Variants in NRG1 observed in about 807,000 individuals in gnomAD.
NRG1 encodes the protein neuregulin 1.
In NRG1, 18 loss-of-function variants were observed where a neutral mutation model predicts 63.8. The ratio of observed to expected loss-of-function variants is 0.28; its 90% CI spans 0.19 to 0.42. The LOEUF (loss-of-function observed/expected upper bound fraction) is 0.42, where lower values mean the gene tolerates loss of function less well. Among genes scored for constraint, NRG1 ranks in the 10% least tolerant of loss-of-function variants. NRG1 has a pLI of 1.00. For missense variants in NRG1, 762 were observed against 814.7 expected (o/e 0.94, Z 0.79); for synonymous variants, 302 against 301.3 (o/e 1.00, Z -0.02).
chr8:32,478,520 CA>C (rs1824828891), intron 1 of NRG1, among the ~76,000 whole-genome samples: 1 of 152,000 alleles, frequency 6.6e-6, no homozygotes, highest in Non-Finnish European at 1.5e-5. Flanking sequence ...GCAAACAAGC[CA>C]AAAAGAAATA....
At chr8:31,933,771 G>A (rs28373492) in intron 1 of NRG1, among the ~76,000 whole-genome samples, 5,421 of 152,194 alleles carry the variant, frequency 0.036, 351 homozygotes, top group African/African-American at 0.12. Context: ...AAATATTAAT[G>A]AAGTTTTAAG....
At chr8:32,331,587 C>A (rs1269442877) in intron 1 of NRG1, among the ~76,000 whole-genome samples, 1 of 152,186 alleles carries the variant, frequency 6.6e-6, no homozygotes, top group African/African-American at 2.4e-5. Context: ...TGCATGAACA[C>A]ATTTCTTTAC....
chr8:31,790,994 T>G lies in NRG1; in HGVS notation c.37+151563T>G, dbSNP rs140498253. On this transcript the variant is annotated intron_variant, in intron 1 of 10. Coordinates refer to the NRG1 transcript ENST00000519301. Reference sequence around the variant, plus strand: ...GGGAGGCTGAGGTGGGCGGATCACTTGAGGTCAGGAGTTGAGACCAGCCTG... The same window carrying G: ...GGGAGGCTGAGGTGGGCGGATCACTGGAGGTCAGGAGTTGAGACCAGCCTG... Among the ~76,000 whole-genome samples the G allele has an allele frequency of 4.1e-3, 628 of 152,084 alleles. 6 individuals carry two copies. Among genetic ancestry groups the G allele is most frequent in the Middle Eastern group, 0.031 (9 of 294 alleles).
At chr8:31,729,985 A>G (rs940930397) in intron 1 of NRG1, among the ~76,000 whole-genome samples, 2 of 152,138 alleles carry the variant, frequency 1.3e-5, no homozygotes, top group Non-Finnish European at 2.9e-5. Flanking sequence ...ATTCCTACGG[A>G]GTATAGGGTA....
intron 5 of NRG1, among the ~76,000 whole-genome samples, chr8:32,707,101 G>A (rs1001555489): frequency 2.0e-5 from 3 of 151,904 alleles, no homozygotes; most frequent in Non-Finnish European, 4.4e-5. Context: ...TGTATTTTGT[G>A]CTGGGCTGCA....
Position 32,412,339 on chromosome 8 carries a change from T to C in NRG1, c.38-183489T>C, listed in dbSNP as rs77906040. On this transcript the variant is annotated intron_variant, in intron 1 of 10. Coordinates refer to the NRG1 transcript ENST00000519301. ...TCCAAATTGCTGACTGCAGATCTTA[T>C]GACTTTCCAGTCATTCCATTCCTTG... Among the ~76,000 whole-genome samples, 1,035 of 150,950 alleles carry C rather than the reference T, an allele frequency of 6.9e-3. 16 individuals carry two copies. Among genetic ancestry groups the C allele is most frequent in the African/African-American group, 0.024 (995 of 41,106 alleles).
intron 1 of NRG1, among the ~76,000 whole-genome samples, chr8:32,398,536 G>A (rs563480354): frequency 6.6e-5 from 10 of 151,776 alleles, no homozygotes; most frequent in South Asian, 4.2e-4. Flanking sequence ...TCAGCCTCCC[G>A]AGTAGCTGGG....
At chr8:32,322,376 T>TATAC (rs1554507872) in intron 1 of NRG1, among the ~76,000 whole-genome samples, 3 of 150,372 alleles carry the variant, frequency 2.0e-5, no homozygotes, top group Non-Finnish European at 4.4e-5. Context: ...TATATATATA[T>TATAC]ACCCATTAAT....
At chr8:31,813,793 C>T (rs1484035087) in intron 1 of NRG1, among the ~76,000 whole-genome samples, 1 of 151,990 alleles carries the variant, frequency 6.6e-6, no homozygotes, top group African/African-American at 2.4e-5. Flanking sequence ...TCCCAGAGTG[C>T]GGGGATTATA....
intron 1 of NRG1, among the ~76,000 whole-genome samples, chr8:31,774,291 A>G (rs1355909120): frequency 6.6e-6 from 1 of 152,026 alleles, no homozygotes; most frequent in African/African-American, 2.4e-5. Context: ...TCACTCCCTC[A>G]TTCTTTCCTT....
intron 5 of NRG1, among the ~76,000 whole-genome samples, chr8:32,656,940 G>T (rs78291606): frequency 0.012 from 1,826 of 152,122 alleles, 38 homozygotes; most frequent in African/African-American, 0.042. Flanking sequence ...CTTAGTGTTT[G>T]AGTTGCATTT....
chr8:32,755,037 A>T (rs1162100007), intron 8 of NRG1, among the ~76,000 whole-genome samples: 2 of 152,116 alleles, frequency 1.3e-5, no homozygotes, highest in African/African-American at 4.8e-5. Flanking sequence ...TATTATTATT[A>T]TTTTTAAATT....
chr8:32,153,717 A>T (rs992076709), intron 1 of NRG1, among the ~76,000 whole-genome samples: 4 of 152,232 alleles, frequency 2.6e-5, no homozygotes, highest in Admixed American at 1.3e-4. Context: ...CATTCCTGGT[A>T]TCTCAGAGGG....
intron 1 of NRG1, among the ~76,000 whole-genome samples, chr8:32,021,835 T>TG (rs1816498693): frequency 6.6e-6 from 1 of 152,218 alleles, no homozygotes; most frequent in African/African-American, 2.4e-5. Flanking sequence ...TTTCATTAAT[T>TG]GCACAACATA....
In NRG1 at chr8:31,676,906, C is replaced by T. The variant is rs570695582; in HGVS notation, c.37+37475C>T. On this transcript the variant is annotated intron_variant, in intron 1 of 10. Transcript: ENST00000519301. ...AAGGTAATGCATACAAAGTGTCTCA[C>T]GTGATGTCTGGCACTCTGCAAGCAT... 1.2e-3 allele frequency among the ~76,000 whole-genome samples: 176 copies of T among 152,280 alleles called. 2 individuals carry two copies. Among genetic ancestry groups the T allele is most frequent in the African/African-American group, 4.1e-3 (171 of 41,566 alleles).
rs144712148 is a variant in NRG1, at chr8:32,375,607, C to T, written c.38-220221C>T. Among the ~76,000 whole-genome samples, 23 of 152,198 alleles carry T rather than the reference C, an allele frequency of 1.5e-4. 1 individual carries two copies. In the South Asian group the frequency reaches 3.9e-3, roughly 26 times the overall value. The stretch of plus-strand genomic sequence containing the variant: ...AGAGTCTCTTCAGAAGGGAAGACTT[C>T]CAGTTGCAAGGTCAGGTGACCCAAT... On this transcript the variant is annotated intron_variant, in intron 1 of 10. Transcript: ENST00000519301.
At chr8:32,184,011 T>C (rs1018164822) in intron 1 of NRG1, among the ~76,000 whole-genome samples, 6 of 152,132 alleles carry the variant, frequency 3.9e-5, no homozygotes, top group Non-Finnish European at 8.8e-5. Context: ...GTTTAGAATG[T>C]GATAGAATCT....
chr8:32,200,862 G>T (rs925972305), intron 1 of NRG1, among the ~76,000 whole-genome samples: 21 of 152,006 alleles, frequency 1.4e-4, no homozygotes, highest in African/African-American at 5.1e-4. Flanking sequence ...GATTCCTTCA[G>T]GGGTAAAATC....
intron 2 of NRG1, among the ~76,000 whole-genome samples, chr8:32,600,296 T>C (rs1327709969): frequency 1.3e-5 from 2 of 150,836 alleles, no homozygotes; most frequent in Non-Finnish European, 2.9e-5. Flanking sequence ...TTCACGATGA[T>C]CAGTTTTACA....
Sources: gnomAD v4.1 joint callset for allele counts (sites outside exome capture counted in the v4.1 genomes callset) on GRCh38, gnomAD v4.1.1 for gene constraint, MANE v1.5 for transcripts, NCBI Gene and HGNC (gene_info 2026-07-23, HGNC 2026-07-21) for gene names.